The following HSD17B6 variants were observed in gnomAD, a reference collection of about 807,000 sequenced individuals.
HSD17B6 encodes 17-beta-hydroxysteroid dehydrogenase type 6.
Under a neutral mutation model 26.4 loss-of-function variants are expected in HSD17B6, and 16 were observed. That is an observed-to-expected ratio of 0.61 (90% CI 0.41 to 0.92). The LOEUF is 0.92. Ranked by LOEUF, HSD17B6 falls within the 40% of genes least tolerant of loss-of-function variation. The pLI is 0.00. For synonymous variants in HSD17B6, 139 were observed against 153.0 expected (o/e 0.91, Z 0.68); for missense variants, 357 against 386.1 (o/e 0.92, Z 0.63).
intron 3 of HSD17B6, among the ~76,000 whole-genome samples, chr12:56,783,733 C>T (rs1954799065): frequency 1.3e-5 from 2 of 148,586 alleles, no homozygotes; most frequent in African/African-American, 5.0e-5. Context: ...GCTGGCCGGG[C>T]AGAGGGGCTC....
At chr12:56,772,697 CAAAA>C (rs374835392) in intron 1 of HSD17B6, among the ~76,000 whole-genome samples, 1 of 62,714 alleles carries the variant, frequency 1.6e-5, no homozygotes. Flanking sequence ...AACTCTGTCT[CAAAA>C]AAAAAAAAAA....
In HSD17B6 at chr12:56,781,955, T is replaced by C. The variant is rs373290486; in HGVS notation, c.314-19T>C. 17 of 1,606,244 alleles carry C rather than the reference T, an allele frequency of 1.1e-5. No homozygotes were observed. The highest frequency in any genetic ancestry group is 6.7e-5 in the Admixed American group (4 of 59,368). ...TTTGCCTGAAACCAAACTCCTGATA[T>C]GACTTTTAATTGTTTTAGGACTCTG... On this transcript the variant is annotated intron_variant, in intron 2 of 4. Transcript: ENST00000322165.
chr12:56,773,322 G>T (rs1954517733), intron 1 of HSD17B6, among the ~76,000 whole-genome samples: 1 of 152,192 alleles, frequency 6.6e-6, no homozygotes, highest in African/African-American at 2.4e-5. Flanking sequence ...TCTGTCCACA[G>T]GATAACATCC....
At chr12:56,777,188 G>C (rs1954609728) in intron 2 of HSD17B6, among the ~76,000 whole-genome samples, 2 of 152,110 alleles carry the variant, frequency 1.3e-5, no homozygotes, top group African/African-American at 4.8e-5. Flanking sequence ...TGAGGCTACA[G>C]TGGGCTACGA....
At chr12:56,775,228 G>C (rs1954566338) in intron 2 of HSD17B6, among the ~76,000 whole-genome samples, 1 of 152,142 alleles carries the variant, frequency 6.6e-6, no homozygotes, top group Non-Finnish European at 1.5e-5. Context: ...ATTGGAAGTA[G>C]AGTATTTATA....
intron 3 of HSD17B6, among the ~76,000 whole-genome samples, chr12:56,784,102 C>T (rs2137932552): frequency 1.3e-5 from 2 of 152,044 alleles, no homozygotes; most frequent in Middle Eastern, 3.4e-3. Context: ...AGACGCTCCT[C>T]ACTTCCTAGA....
In HSD17B6 at chr12:56,787,253, T is replaced by C. The variant is rs746372963; in HGVS notation, c.865T>C (p.Phe289Leu). Residue 289 changes from phenylalanine (F) to leucine (L), a missense_variant, in exon 5 of 5, where the codon TTT becomes CTT. Coordinates refer to ENST00000322165, the MANE Select transcript of HSD17B6 (RefSeq NM_003725.4). ...ATATTCAGCTGGCTGGGATGCTAAA[T>C]TTTTCTTCATCCCTCTATCTTATTT... is the stretch of plus-strand genomic sequence containing the variant. Reference protein sequence around the residue: ...TRYSAGWDAKFFFIPLSYLPT... With the variant: ...TRYSAGWDAKLFFIPLSYLPT... 1.2e-6 allele frequency: 2 copies of C among 1,614,134 alleles called. No homozygotes were observed. The highest frequency in any genetic ancestry group is 1.7e-6 in the Non-Finnish European group (2 of 1,179,994).
At position 56,782,114 on chromosome 12, in the gene HSD17B6, G is replaced by A; in HGVS notation, c.454G>A (p.Val152Met). 1 of 1,614,178 alleles carries A rather than the reference G, an allele frequency of 6.2e-7. No individual in the cohort carries two copies. The highest frequency in any genetic ancestry group is 1.6e-4 in the Middle Eastern group (1 of 6,062). ...IQVTLSMLPL[V>M]RRARGRIVNV... ...GGTGACCTTGAGCATGCTTCCTTTGGTGAGGAGAGCACGGGGAAGAATTGT... is the reference window on the plus strand; with the variant it reads ...GGTGACCTTGAGCATGCTTCCTTTGATGAGGAGAGCACGGGGAAGAATTGT... The change falls in exon 3 of 5, where the codon GTG becomes ATG. Residue 152 changes from valine (V) to methionine (M), a missense_variant. Physicochemically the swap from Val to Met is conservative, Grantham distance 21 (BLOSUM62 1). Coordinates refer to ENST00000322165, the MANE Select transcript of HSD17B6 (RefSeq NM_003725.4).
intron 1 of HSD17B6, among the ~76,000 whole-genome samples, chr12:56,771,806 G>A (rs1027173269): frequency 9.2e-5 from 14 of 151,916 alleles, no homozygotes; most frequent in Non-Finnish European, 1.8e-4. Context: ...GCTTTGTGTC[G>A]CTACCCAAAT....
At chr12:56,784,812 G>C in intron 3 of HSD17B6, 41 bp from the exon 4 acceptor site, 1 of 1,585,676 alleles carries the variant, frequency 6.3e-7, no homozygotes, top group East Asian at 2.2e-5. Flanking sequence ...GCATTGAAAT[G>C]GTGGTGGTCT....
chr12:56,765,086 A>G (rs747622325), intron 1 of HSD17B6, among the ~76,000 whole-genome samples: 6 of 152,092 alleles, frequency 3.9e-5, no homozygotes, highest in Non-Finnish European at 8.8e-5. Context: ...CGCATCCCAA[A>G]GTTCTGGGAT....
chr12:56,778,524 G>A (rs935319841), intron 2 of HSD17B6, among the ~76,000 whole-genome samples: 3 of 152,040 alleles, frequency 2.0e-5, no homozygotes, highest in African/African-American at 7.2e-5. Context: ...TGATCCGCCC[G>A]CCTCGGCCTC....
In HSD17B6 at chr12:56,774,112, T is replaced by C. The variant is rs1592363427; in HGVS notation, c.260T>C (p.Met87Thr). 1 of 1,606,412 alleles carries C rather than the reference T, an allele frequency of 6.2e-7. No homozygotes were observed. The highest frequency in any genetic ancestry group is 2.2e-5 in the East Asian group (1 of 44,756). The change falls in exon 2 of 5, where the codon ATG becomes ACG. Residue 87 changes from methionine (M) to threonine (T), a missense_variant. By Grantham distance (81) the Met-to-Thr change is moderately conservative (BLOSUM62 -1). Transcript: ENST00000322165. ...ACGGTGACCCTGGATGTTACCAAGATGGAGAGCATCGCTGCAGCTACTCAG... is the reference window on the plus strand; with the variant it reads ...ACGGTGACCCTGGATGTTACCAAGACGGAGAGCATCGCTGCAGCTACTCAG... ...LETVTLDVTK[M>T]ESIAAATQWV... is the part of the protein sequence containing the mutation.
chr12:56,764,068 C>CAAAAAAAAAAAAAAAAAAAAAAAAAA (rs71081400), intron 1 of HSD17B6, among the ~76,000 whole-genome samples: 13 of 74,340 alleles, frequency 1.7e-4, no homozygotes, highest in East Asian at 7.5e-4. Context: ...GACCGTGTCT[C>CAAAAAAAAAAAAAAAAAAAAAAAAAA]AAAAAAAAAA....
intron 1 of HSD17B6, among the ~76,000 whole-genome samples, chr12:56,764,029 A>G (rs1321520777): frequency 7.5e-6 from 1 of 132,980 alleles, no homozygotes; most frequent in Non-Finnish European, 1.5e-5. Flanking sequence ...TGATTGCACC[A>G]CTGCACTCCA....
intron 1 of HSD17B6, among the ~76,000 whole-genome samples, chr12:56,766,721 G>C (rs1374303858): frequency 6.6e-6 from 1 of 152,144 alleles, no homozygotes; most frequent in Non-Finnish European, 1.5e-5. Flanking sequence ...GACACTGTGG[G>C]GTTAGTGAGA....
intron 1 of HSD17B6, among the ~76,000 whole-genome samples, chr12:56,772,614 T>C (rs1954499849): frequency 6.6e-6 from 1 of 151,350 alleles, no homozygotes; most frequent in Non-Finnish European, 1.5e-5. Context: ...GGAGAATCAC[T>C]TGAACCCAGG....
intron 1 of HSD17B6, among the ~76,000 whole-genome samples, chr12:56,768,689 G>T (rs1300583766): frequency 7.6e-6 from 1 of 131,034 alleles, no homozygotes; most frequent in Non-Finnish European, 1.6e-5. Context: ...TAAAGATTTG[G>T]AACAGGTGTT....
chr12:56,777,921 C>G (rs1384577149), intron 2 of HSD17B6, among the ~76,000 whole-genome samples: 1 of 152,102 alleles, frequency 6.6e-6, no homozygotes, highest in Non-Finnish European at 1.5e-5. Context: ...CAGGCAGAGT[C>G]AGAAGTTATG....
Sources: gnomAD v4.1 joint callset for allele counts (sites outside exome capture counted in the v4.1 genomes callset) on GRCh38, gnomAD v4.1.1 for gene constraint, MANE v1.5 for transcripts, NCBI Gene and HGNC (gene_info 2026-07-23, HGNC 2026-07-21) for gene names.